Variants in PVT1 observed in about 807,000 individuals in gnomAD.
PVT1 encodes the protein Pvt1 oncogene.
At chr8:127,873,642 A>T (rs544190233) in intron 2 of PVT1, among the ~76,000 whole-genome samples, 1 of 152,220 alleles carries the variant, frequency 6.6e-6, no homozygotes, top group East Asian at 1.9e-4. Context: ...GGAAGGTGAA[A>T]CTTAGGAATG....
intron 3 of PVT1, among the ~76,000 whole-genome samples, chr8:127,930,234 A>T (rs1206267998): frequency 2.0e-5 from 3 of 152,126 alleles, no homozygotes; most frequent in Non-Finnish European, 4.4e-5. Context: ...TTAGCTCACT[A>T]CAACCCTCAA....
At chr8:128,098,831 C>G (rs1175475698) in intron 6 of PVT1, among the ~76,000 whole-genome samples, 1 of 152,168 alleles carries the variant, frequency 6.6e-6, no homozygotes. Flanking sequence ...TCGGGACCCC[C>G]AGGGATCCTG....
intron 2 of PVT1, among the ~76,000 whole-genome samples, chr8:127,860,249 C>A (rs1301682927): frequency 6.6e-6 from 1 of 152,180 alleles, no homozygotes; most frequent in African/African-American, 2.4e-5. Flanking sequence ...GCTTCCAGCT[C>A]TGGGCACTGG....
intron 3 of PVT1, among the ~76,000 whole-genome samples, chr8:127,975,643 G>T (rs893394981): frequency 1.3e-5 from 2 of 152,210 alleles, no homozygotes; most frequent in Admixed American, 6.5e-5. Context: ...ACGTCGTGGG[G>T]TTCTGCATGA....
intron 4 of PVT1, among the ~76,000 whole-genome samples, chr8:128,061,216 C>T (rs1372038931): frequency 6.6e-6 from 1 of 152,128 alleles, no homozygotes; most frequent in Non-Finnish European, 1.5e-5. Flanking sequence ...GCCATGGATT[C>T]GCCTATTGTA....
At chr8:127,947,979 A>G (rs768042997) in intron 3 of PVT1, 5 of 451,050 alleles carry the variant, frequency 1.1e-5, no homozygotes, top group Non-Finnish European at 2.2e-5. Context: ...ACAGGGGTCA[A>G]AGTTTGGGAA....
intron 4 of PVT1, among the ~76,000 whole-genome samples, chr8:128,036,859 A>G (rs959557948): frequency 6.6e-6 from 1 of 152,044 alleles, no homozygotes; most frequent in African/African-American, 2.4e-5. Context: ...TGTTAGAGAA[A>G]CCTGAGGCTT....
intron 2 of PVT1, chr8:127,854,636 G>T (rs1473402003): frequency 2.0e-5 from 3 of 152,380 alleles, no homozygotes; most frequent in African/African-American, 7.2e-5. Context: ...GAAGAGTTCA[G>T]TTCAAGTCAG....
At chr8:127,991,912 C>T (rs982802231) in intron 4 of PVT1, among the ~76,000 whole-genome samples, 4 of 152,148 alleles carry the variant, frequency 2.6e-5, no homozygotes, top group African/African-American at 9.7e-5. Context: ...AGGGCATCCT[C>T]ACCTTTCCCA....
At chr8:128,021,774 C>T (rs1314602175) in intron 4 of PVT1, among the ~76,000 whole-genome samples, 3 of 152,160 alleles carry the variant, frequency 2.0e-5, no homozygotes, top group African/African-American at 7.2e-5. Flanking sequence ...CAACTGCAGG[C>T]AATATGCCTA....
intron 2 of PVT1, among the ~76,000 whole-genome samples, chr8:127,805,893 C>T (rs1814521541): frequency 6.6e-6 from 1 of 151,994 alleles, no homozygotes; most frequent in Non-Finnish European, 1.5e-5. Context: ...GACACGAAGA[C>T]TCAGTAGAAG....
intron 2 of PVT1, among the ~76,000 whole-genome samples, chr8:127,856,427 C>T (rs547180179): frequency 1.3e-5 from 2 of 151,922 alleles, no homozygotes; most frequent in South Asian, 2.1e-4. Flanking sequence ...CTGTAACCTC[C>T]GCCTCCCAGG....
intron 3 of PVT1, chr8:127,948,702 C>A (rs527249651): frequency 6.6e-6 from 1 of 152,176 alleles, no homozygotes; most frequent in Non-Finnish European, 1.5e-5. Context: ...CACGTGTAGA[C>A]ACAGGGAGGA....
At chr8:127,965,709 C>G (rs1215851679) in intron 3 of PVT1, among the ~76,000 whole-genome samples, 1 of 152,180 alleles carries the variant, frequency 6.6e-6, no homozygotes, top group African/African-American at 2.4e-5. Flanking sequence ...CCTTTTGGTC[C>G]ATTTTGAGCT....
chr8:128,055,981 G>A (rs1257808576), intron 4 of PVT1, among the ~76,000 whole-genome samples: 1 of 152,124 alleles, frequency 6.6e-6, no homozygotes, highest in Non-Finnish European at 1.5e-5. Flanking sequence ...GAAATGGGAG[G>A]ACTCATATCA....
chr8:127,931,287 A>G (rs1816203085), intron 3 of PVT1, among the ~76,000 whole-genome samples: 1 of 152,110 alleles, frequency 6.6e-6, no homozygotes, highest in African/African-American at 2.4e-5. Context: ...TTATGTTTCC[A>G]GGGTGCTGGG....
intron 3 of PVT1, among the ~76,000 whole-genome samples, chr8:127,956,781 C>A (rs777761899): frequency 2.6e-4 from 39 of 152,376 alleles, no homozygotes; most frequent in Non-Finnish European, 4.7e-4. Flanking sequence ...CTGCGCCCTG[C>A]CAGTTTAATT....
chr8:127,831,931 T>G (rs1188657748), intron 2 of PVT1, among the ~76,000 whole-genome samples: 1 of 152,226 alleles, frequency 6.6e-6, no homozygotes, highest in African/African-American at 2.4e-5. Context: ...ATCAGTGTCT[T>G]CAGTAGGTTC....
intron 2 of PVT1, among the ~76,000 whole-genome samples, chr8:127,877,114 C>T (rs746312177): frequency 2.0e-5 from 3 of 152,156 alleles, no homozygotes; most frequent in Admixed American, 6.5e-5. Context: ...AGTTTCCTCT[C>T]GCCGAGGAGG....
Sources: gnomAD v4.1 joint callset for allele counts (sites outside exome capture counted in the v4.1 genomes callset) on GRCh38, gnomAD v4.1.1 for gene constraint, MANE v1.5 for transcripts, NCBI Gene and HGNC (gene_info 2026-07-23, HGNC 2026-07-21) for gene names.